CEP128: variants seen among roughly 807,000 people sequenced by gnomAD.
CEP128 encodes the protein centrosomal protein 128.
In CEP128, 132 loss-of-function variants were observed where a neutral mutation model predicts 156.7. That is an observed-to-expected ratio of 0.84 (90% confidence interval 0.73 to 0.97). CEP128 has a LOEUF of 0.97. CEP128 is among the 50% of genes least tolerant of loss of function. CEP128 has a pLI of 0.00. For synonymous variants in CEP128, 469 were observed against 448.9 expected (o/e 1.04, Z -0.57); for missense variants, 1,252 against 1,281.9 (o/e 0.98, Z 0.36).
At chr14:80,890,854 G>A (rs1433696624) in intron 8 of CEP128, among the ~76,000 whole-genome samples, 3 of 151,896 alleles carry the variant, frequency 2.0e-5, no homozygotes, top group African/African-American at 7.3e-5. Context: ...AACTCTATAG[G>A]AAAAGATCTA....
chr14:80,533,532 T>C (rs1029388267), intron 21 of CEP128, among the ~76,000 whole-genome samples: 3 of 152,146 alleles, frequency 2.0e-5, no homozygotes, highest in Non-Finnish European at 4.4e-5. Context: ...CTTGCATGTG[T>C]TTACATACTA....
chr14:80,680,563 A>G (rs1896279652), intron 19 of CEP128, among the ~76,000 whole-genome samples: 2 of 152,098 alleles, frequency 1.3e-5, no homozygotes, highest in South Asian at 4.2e-4. Context: ...CATTTCGAGC[A>G]CCCATTCACC....
downstream of CEP128, among the ~76,000 whole-genome samples, chr14:80,494,565 C>T (rs1171315308): frequency 3.9e-5 from 6 of 152,108 alleles, no homozygotes; most frequent in Admixed American, 2.0e-4. Context: ...AATGTGTTAT[C>T]TAACTACAAA....
intron 19 of CEP128, among the ~76,000 whole-genome samples, chr14:80,740,534 A>G (rs901040106): frequency 6.8e-6 from 1 of 147,270 alleles, no homozygotes; most frequent in Non-Finnish European, 1.5e-5. Context: ...AGATAGATAG[A>G]TAGATAGATA....
chr14:80,523,867 T>C (rs1888860859), intron 23 of CEP128, among the ~76,000 whole-genome samples: 1 of 152,240 alleles, frequency 6.6e-6, no homozygotes, highest in South Asian at 2.1e-4. Flanking sequence ...GAAAACTTTT[T>C]CTATAGAGGG....
At chr14:80,637,742 G>A (rs1282792957) in intron 19 of CEP128, among the ~76,000 whole-genome samples, 3 of 152,118 alleles carry the variant, frequency 2.0e-5, no homozygotes, top group African/African-American at 7.2e-5. Context: ...TTAAATTAAG[G>A]TCCTTGAAAT....
At chr14:80,590,113 G>T (rs552388481) in intron 19 of CEP128, among the ~76,000 whole-genome samples, 1 of 152,098 alleles carries the variant, frequency 6.6e-6, no homozygotes, top group East Asian at 1.9e-4. Flanking sequence ...CTGCAGCATG[G>T]CTTAGAGTAA....
chr14:80,550,989 T>A (rs1331820105), intron 21 of CEP128, among the ~76,000 whole-genome samples: 1 of 152,162 alleles, frequency 6.6e-6, no homozygotes, highest in Non-Finnish European at 1.5e-5. Flanking sequence ...ATAGATTTAA[T>A]CACAAATCTT....
chr14:80,603,640 A>G (rs771971009), intron 19 of CEP128, among the ~76,000 whole-genome samples: 26 of 152,172 alleles, frequency 1.7e-4, no homozygotes, highest in Non-Finnish European at 3.1e-4. Context: ...AATAGACACA[A>G]TTAATAGCAA....
intron 19 of CEP128, among the ~76,000 whole-genome samples, chr14:80,716,890 A>G (rs1207570983): frequency 6.6e-6 from 1 of 152,204 alleles, no homozygotes; most frequent in Non-Finnish European, 1.5e-5. Flanking sequence ...CTTCGCCAGC[A>G]GTTGTTACTA....
intron 20 of CEP128, among the ~76,000 whole-genome samples, chr14:80,566,873 C>T (rs1284057652): frequency 1.3e-5 from 2 of 149,298 alleles, no homozygotes; most frequent in Non-Finnish European, 3.0e-5. Flanking sequence ...AACAGCGAGG[C>T]TTAAAGATTT....
chr14:80,601,623 C>T (rs904117694), intron 19 of CEP128, among the ~76,000 whole-genome samples: 1 of 152,016 alleles, frequency 6.6e-6, no homozygotes, highest in African/African-American at 2.4e-5. Context: ...TGTTCCTAGG[C>T]AATGAACATG....
intron 14 of CEP128, among the ~76,000 whole-genome samples, chr14:80,484,536 A>G (rs900186422): frequency 1.3e-5 from 2 of 152,234 alleles, no homozygotes; most frequent in African/African-American, 4.8e-5. Flanking sequence ...TTGATCAAAC[A>G]TTTAGGTAAA....
intron 2 of CEP128, among the ~76,000 whole-genome samples, chr14:80,924,677 T>C (rs149071526): frequency 1.3e-5 from 2 of 151,982 alleles, no homozygotes; most frequent in African/African-American, 4.8e-5. Flanking sequence ...AGCTCTTGCA[T>C]CCTTCTACCA....
intron 15 of CEP128, 69 bp downstream of exon 15, chr14:80,784,826 C>T (rs1407885023): frequency 1.1e-5 from 14 of 1,280,466 alleles, no homozygotes; most frequent in South Asian, 4.3e-5. Context: ...TAAAAGTTTA[C>T]GCTTTATTAA....
downstream of CEP128, among the ~76,000 whole-genome samples, chr14:80,486,851 T>G (rs1887177440): frequency 6.6e-6 from 1 of 152,120 alleles, no homozygotes; most frequent in East Asian, 1.9e-4. Context: ...CCACCAGGCC[T>G]GCCCTAAATA....
At chr14:80,578,485 T>C (rs139442980) in intron 20 of CEP128, among the ~76,000 whole-genome samples, 2 of 152,328 alleles carry the variant, frequency 1.3e-5, no homozygotes, top group East Asian at 3.9e-4. Flanking sequence ...GAATTAAATA[T>C]TTAGCTCTCC....
intron 16 of CEP128, among the ~76,000 whole-genome samples, chr14:80,766,323 A>G (rs994536023): frequency 6.6e-6 from 1 of 152,218 alleles, no homozygotes; most frequent in African/African-American, 2.4e-5. Flanking sequence ...ACTGCTGACA[A>G]TCTCATGATA....
intron 9 of CEP128, among the ~76,000 whole-genome samples, chr14:80,844,517 T>C (rs1200383642): frequency 6.6e-6 from 1 of 152,106 alleles, no homozygotes; most frequent in Non-Finnish European, 1.5e-5. Flanking sequence ...TGAATTGAAA[T>C]GTGTGTATTT....
Sources: allele counts gnomAD v4.1 joint callset (sites outside exome capture counted in the v4.1 genomes callset), GRCh38; gene constraint gnomAD v4.1.1; transcripts MANE v1.5; gene names NCBI Gene and HGNC (gene_info 2026-07-23, HGNC 2026-07-21).